Variants in TRIM2 observed in about 807,000 individuals in gnomAD.
The protein encoded by TRIM2 is tripartite motif containing 2.
TRIM2 carries 20 observed loss-of-function variants against 75.2 expected under a neutral mutation model. The observed-to-expected ratio is 0.27, with a 90% CI of 0.19 to 0.39. TRIM2 has a LOEUF of 0.39. TRIM2 is among the 10% of genes least tolerant of loss of function. The pLI is 1.00. For missense variants in TRIM2, 660 were observed against 990.8 expected, an observed-to-expected ratio of 0.67 and a Z score of 4.48; for synonymous variants, 373 against 388.3, an observed-to-expected ratio of 0.96 and a Z score of 0.46.
intron 3 of TRIM2, among the ~76,000 whole-genome samples, chr4:153,286,439 T>C (rs1352919149): frequency 1.3e-5 from 2 of 152,164 alleles, no homozygotes; most frequent in Non-Finnish European, 2.9e-5. Flanking sequence ...AATTCACCAG[T>C]GAAGCCATCT....
chr4:153,173,882 G>A (rs552737894), intron 1 of TRIM2, among the ~76,000 whole-genome samples: 4 of 152,012 alleles, frequency 2.6e-5, no homozygotes, highest in Admixed American at 1.3e-4. Flanking sequence ...CAGAAGAATC[G>A]CTTGAACCTG....
chr4:153,248,599 G>A lies in TRIM2; in HGVS notation c.31-21736G>A, dbSNP rs1032622493. ...CATTAGGAGGTAGCATTTTACAAAC[G>A]AGCTAACAGACAGGCAAGGAGCAAC... On this transcript the variant is annotated intron_variant, in intron 1 of 11. Coordinates refer to ENST00000338700, the MANE Select transcript of TRIM2 (RefSeq NM_015271.5). This position sits in a 1 kb window ranked among gnomAD's most constrained non-coding sequence, Gnocchi z 4.0. 3.9e-5 allele frequency among the ~76,000 whole-genome samples: 6 copies of A among 152,168 alleles called. No individual in the cohort carries two copies. Among genetic ancestry groups the A allele is most frequent in the African/African-American group, 1.4e-4 (6 of 41,446 alleles).
intron 1 of TRIM2, among the ~76,000 whole-genome samples, chr4:153,232,285 G>A (rs1483224661): frequency 6.6e-6 from 1 of 152,168 alleles, no homozygotes; most frequent in African/African-American, 2.4e-5. Context: ...GGCCGAGGCA[G>A]GCAGATGGAT....
chr4:153,282,389 A>C (rs1759546571), intron 3 of TRIM2, among the ~76,000 whole-genome samples: 1 of 152,012 alleles, frequency 6.6e-6, no homozygotes. Flanking sequence ...TTCAAAGCTG[A>C]GATCAATTTT....
intron 11 of TRIM2, among the ~76,000 whole-genome samples, chr4:153,328,972 G>A (rs994418544): frequency 6.6e-6 from 1 of 152,154 alleles, no homozygotes; most frequent in Non-Finnish European, 1.5e-5. Flanking sequence ...ACCTCTGGCT[G>A]AAAATTATCA....
chr4:153,206,820 A>G (rs1238670091), intron 1 of TRIM2, among the ~76,000 whole-genome samples: 1 of 152,150 alleles, frequency 6.6e-6, no homozygotes, highest in Non-Finnish European at 1.5e-5. Context: ...TCAGTCGTCA[A>G]TCATCTCATT....
At chr4:153,315,757 AGATGTTTCTGCC>A in intron 7 of TRIM2, 63 bp from the exon 8 acceptor site, 1 of 1,554,810 alleles carries the variant, frequency 6.4e-7, no homozygotes, top group Non-Finnish European at 8.9e-7. Flanking sequence ...TATGTATGGC[AGATGTTTCTGCC>A]TATGCCTTCC....
upstream of TRIM2, among the ~76,000 whole-genome samples, chr4:153,199,952 T>TC (rs1279709168): frequency 1.3e-5 from 2 of 149,566 alleles, no homozygotes; most frequent in Non-Finnish European, 3.0e-5. Flanking sequence ...TTTTTTTTTT[T>TC]TTTTTTTGAG....
Position 153,295,298 on chromosome 4 carries a change from C to G in TRIM2, c.787-15C>G, listed in dbSNP as rs777526653. 3 of 1,566,232 alleles carry G rather than the reference C, an allele frequency of 1.9e-6. No individual in the cohort carries two copies. The highest frequency in any genetic ancestry group is 1.9e-4 in the Middle Eastern group (1 of 5,170). ...CCTGTGGGACGAGCTCACCAGGCCT[C>G]CGGTTTTCCCGCAGGTCCTCCAGTC... is the stretch of plus-strand genomic sequence containing the variant. On this transcript the variant is annotated splice_polypyrimidine_tract_variant and intron_variant, in intron 5 of 11. Coordinates refer to ENST00000338700, the MANE Select transcript of TRIM2 (RefSeq NM_015271.5). This position sits in a 1 kb window ranked among gnomAD's most constrained non-coding sequence, Gnocchi z 7.2.
chr4:153,175,946 A>C (rs1161744589), intron 1 of TRIM2, among the ~76,000 whole-genome samples: 1 of 152,098 alleles, frequency 6.6e-6, no homozygotes, highest in Non-Finnish European at 1.5e-5. Context: ...TAGGAGGCTG[A>C]GGCGAGAGAA....
intron 1 of TRIM2, among the ~76,000 whole-genome samples, chr4:153,220,775 C>T (rs1297652918): frequency 6.6e-6 from 1 of 152,050 alleles, no homozygotes; most frequent in East Asian, 1.9e-4. Context: ...AAATGGTCAA[C>T]AAGCACATGA....
At chr4:153,279,464 C>CAAAGA (rs57619787) in intron 3 of TRIM2, among the ~76,000 whole-genome samples, 11 of 151,464 alleles carry the variant, frequency 7.3e-5, no homozygotes, top group Non-Finnish European at 1.3e-4. Flanking sequence ...ATTATTTAAT[C>CAAAGA]AATAGAAAAT....
At chr4:153,323,120 G>A (rs1225706016) in intron 9 of TRIM2, among the ~76,000 whole-genome samples, 1 of 152,074 alleles carries the variant, frequency 6.6e-6, no homozygotes, top group Non-Finnish European at 1.5e-5. Context: ...AAAAATATTT[G>A]AAAAACAAGG....
At chr4:153,330,310 T>C (rs892124293) in intron 11 of TRIM2, among the ~76,000 whole-genome samples, 1 of 152,240 alleles carries the variant, frequency 6.6e-6, no homozygotes, top group East Asian at 1.9e-4. Context: ...CAACTCATTT[T>C]CCAATCAGCT....
chr4:153,159,294 A>ATTTTT (rs1319360300), intron 1 of TRIM2, among the ~76,000 whole-genome samples: 4 of 104,298 alleles, frequency 3.8e-5, no homozygotes, highest in African/African-American at 9.9e-5. Context: ...TTTTTACAAA[A>ATTTTT]TCTTTTTTTT....
intron 1 of TRIM2, among the ~76,000 whole-genome samples, chr4:153,190,786 A>G (rs1733101391): frequency 1.3e-5 from 2 of 152,042 alleles, no homozygotes; most frequent in African/African-American, 4.8e-5. Context: ...TGCCCAGGCT[A>G]GAATGCAGTG....
At chr4:153,329,072 TA>T in intron 11 of TRIM2, among the ~76,000 whole-genome samples, 1 of 152,250 alleles carries the variant, frequency 6.6e-6, no homozygotes, top group Non-Finnish European at 1.5e-5. Context: ...GAAATTTTCA[TA>T]TCATATTGTT....
chr4:153,227,482 C>G (rs138349259), intron 1 of TRIM2, among the ~76,000 whole-genome samples: 7 of 152,344 alleles, frequency 4.6e-5, no homozygotes, highest in African/African-American at 1.2e-4. Context: ...AGAACTGTCT[C>G]TTTTGCTGAC....
chr4:153,330,603 A>C (rs1300571144), intron 11 of TRIM2, among the ~76,000 whole-genome samples: 2 of 152,200 alleles, frequency 1.3e-5, no homozygotes, highest in African/African-American at 4.8e-5. Context: ...CCACCATAGT[A>C]AAATTCTAAA....
Sources: gnomAD v4.1 joint callset for allele counts (sites outside exome capture counted in the v4.1 genomes callset) on GRCh38, gnomAD v4.1.1 for gene constraint, Gnocchi (gnomAD v3.1) non-coding constraint, MANE v1.5 for transcripts, NCBI Gene and HGNC (gene_info 2026-07-23, HGNC 2026-07-21) for gene names.